The following RARB variants were observed in gnomAD, a reference collection of about 807,000 sequenced individuals.
The protein encoded by RARB is retinoic acid receptor beta.
In RARB, 17 loss-of-function variants were observed where a neutral mutation model predicts 51.9. That is an observed-to-expected ratio of 0.33 (90% CI 0.22 to 0.49). RARB has a LOEUF of 0.49. Among genes scored for constraint, RARB ranks in the 20% least tolerant of loss-of-function variants. The pLI is 0.99. For missense variants in RARB, 369 were observed against 550.8 expected (o/e 0.67, Z 3.30); for synonymous variants, 215 against 195.4 (o/e 1.10, Z -0.84).
chr3:25,170,573 A>C (rs745378493), intron 4 of RARB, among the ~76,000 whole-genome samples: 74 of 152,196 alleles, frequency 4.9e-4, no homozygotes, highest in Non-Finnish European at 6.8e-4. Flanking sequence ...TCGTGTTGTA[A>C]GTATTATGTT....
intron 4 of RARB, among the ~76,000 whole-genome samples, chr3:25,151,782 A>G (rs1207829125): frequency 1.3e-5 from 2 of 152,200 alleles, no homozygotes; most frequent in Non-Finnish European, 2.9e-5. Flanking sequence ...AATGTTTGTT[A>G]TTAGATTGCT....
intron 2 of RARB, among the ~76,000 whole-genome samples, chr3:24,920,894 G>T (rs1157762588): frequency 2.0e-5 from 3 of 152,184 alleles, no homozygotes; most frequent in African/African-American, 7.2e-5. Context: ...TAATTGATAT[G>T]ATTTGAGTGT....
intron 2 of RARB, among the ~76,000 whole-genome samples, chr3:25,490,915 G>A (rs987962662): frequency 6.6e-6 from 1 of 152,116 alleles, no homozygotes; most frequent in South Asian, 2.1e-4. Flanking sequence ...GGAGAAGAGC[G>A]AAATCTTGCA....
In RARB at chr3:25,086,936, C is replaced by A. The variant is rs957335040; in HGVS notation, c.-328+26760C>A. Among the ~76,000 whole-genome samples, 65 of 152,102 alleles carry A rather than the reference C, an allele frequency of 4.3e-4. 5 individuals are homozygous for A. The highest frequency in any genetic ancestry group is 2.9e-5 in the Non-Finnish European group (2 of 68,022). ...ACTTAGAAAGGTGCCAGACTCCTTA[C>A]TTAATTCTCTCCTGGATAAGGAAAA... On this transcript the variant is annotated intron_variant, in intron 3 of 11. Transcript: ENST00000383772.
chr3:25,178,443 ATT>A (rs2125355788), intron 5 of RARB, among the ~76,000 whole-genome samples: 1 of 152,160 alleles, frequency 6.6e-6, no homozygotes. Context: ...CAGAAGTTCC[ATT>A]TTACAGATAA....
Position 25,036,434 on chromosome 3 carries a change from A to G in RARB, c.-379-23691A>G, listed in dbSNP as rs532732088. ...TACTCTGAATTTACCTCTATTAATT[A>G]CATGCCGGAAAAGAAACAACTAGAC... is the stretch of plus-strand genomic sequence containing the variant. On this transcript the variant is annotated intron_variant, in intron 2 of 11. Coordinates refer to the RARB transcript ENST00000383772. Among the ~76,000 whole-genome samples, 25 of 152,338 alleles carry G rather than the reference A, an allele frequency of 1.6e-4. No individual in the cohort carries two copies. The South Asian group carries it at 5.2e-3, about 32-fold the overall frequency.
intron 7 of RARB, 107 bp from the exon 8 acceptor site, chr3:25,596,313 G>C (rs750418311): frequency 1.9e-4 from 172 of 899,060 alleles, no homozygotes; most frequent in Non-Finnish European, 2.8e-4. Context: ...TCCTAAGCAA[G>C]AATCTTAGGA....
chr3:25,446,844 T>C (rs1188341349), intron 1 of RARB, among the ~76,000 whole-genome samples: 1 of 131,584 alleles, frequency 7.6e-6, no homozygotes, highest in East Asian at 2.1e-4. Context: ...AAAAAATGAA[T>C]AGGACTGTTA....
At chr3:25,403,187 A>C (rs1185090000) in intron 5 of RARB, among the ~76,000 whole-genome samples, 1 of 151,448 alleles carries the variant, frequency 6.6e-6, no homozygotes, top group Non-Finnish European at 1.5e-5. Context: ...AATGAGTGAG[A>C]CCTAGTATTT....
intron 2 of RARB, among the ~76,000 whole-genome samples, chr3:25,474,652 C>G (rs1417318895): frequency 2.0e-5 from 3 of 152,096 alleles, no homozygotes; most frequent in Non-Finnish European, 4.4e-5. Flanking sequence ...GCTTGAATAT[C>G]TTTTAGTATG....
At position 24,973,101 on chromosome 3, in the gene RARB, T is replaced by C. The variant is rs114493788; in HGVS notation, c.-379-87024T>C. On this transcript the variant is annotated intron_variant, in intron 2 of 11. Coordinates refer to the RARB transcript ENST00000383772. Reference sequence around the variant, plus strand: ...CCAAAAGTTTCTTCTAGGAGTTTCATAGTTTGAGGTCTTAGATTTAAGTGT... The same window carrying C: ...CCAAAAGTTTCTTCTAGGAGTTTCACAGTTTGAGGTCTTAGATTTAAGTGT... Among the ~76,000 whole-genome samples, 518 of 152,214 alleles carry C rather than the reference T, an allele frequency of 3.4e-3. 4 individuals carry two copies. Among genetic ancestry groups the C allele is most frequent in the African/African-American group, 0.011 (476 of 41,560 alleles).
chr3:24,912,567 C>T (rs1225346998), intron 2 of RARB, among the ~76,000 whole-genome samples: 1 of 152,038 alleles, frequency 6.6e-6, no homozygotes, highest in African/African-American at 2.4e-5. Context: ...TTCAGCTTAA[C>T]ATAGCCAATC....
At chr3:25,259,202 C>A (rs1350452448) in intron 5 of RARB, 1 of 563,316 alleles carries the variant, frequency 1.8e-6, no homozygotes, top group Non-Finnish European at 2.2e-6. Flanking sequence ...AGAGACATCT[C>A]GTTTCCACCA....
chr3:24,976,209 G>A (rs1258523314), intron 2 of RARB, among the ~76,000 whole-genome samples: 1 of 152,158 alleles, frequency 6.6e-6, no homozygotes, highest in Non-Finnish European at 1.5e-5. Flanking sequence ...TTGCTATTGT[G>A]AATAGTGCTG....
At chr3:25,335,653 A>C (rs1321067047) in intron 5 of RARB, among the ~76,000 whole-genome samples, 1 of 152,220 alleles carries the variant, frequency 6.6e-6, no homozygotes, top group East Asian at 1.9e-4. Flanking sequence ...CTGTGAGTTC[A>C]CTTCCTGAGA....
At chr3:25,553,233 A>G (rs905713597) in intron 3 of RARB, among the ~76,000 whole-genome samples, 1 of 151,504 alleles carries the variant, frequency 6.6e-6, no homozygotes, top group Non-Finnish European at 1.5e-5. Flanking sequence ...CTGGCTACCT[A>G]GTCTCTCGTT....
rs1443906433 is a variant in RARB, at chr3:25,491,959, T to A, written c.307-9223T>A. Among the ~76,000 whole-genome samples, 13 of 149,502 alleles carry A rather than the reference T, an allele frequency of 8.7e-5. No homozygotes were observed. In the East Asian group the frequency reaches 2.4e-3, roughly 27 times the overall value. ...CTGTCTCAAAAAAAAAAAAAAATTATAAAATTATTTTGAATTTTAAGACAG... is the reference window on the plus strand; with the variant it reads ...CTGTCTCAAAAAAAAAAAAAAATTAAAAAATTATTTTGAATTTTAAGACAG... On this transcript the variant is annotated intron_variant, in intron 2 of 7. Coordinates refer to ENST00000330688, the MANE Select transcript of RARB (RefSeq NM_000965.5).
At chr3:25,104,315 T>C (rs1194290247) in intron 3 of RARB, among the ~76,000 whole-genome samples, 1 of 152,108 alleles carries the variant, frequency 6.6e-6, no homozygotes, top group Non-Finnish European at 1.5e-5. Context: ...AATCTCTCAC[T>C]ATCTACTGAA....
intron 2 of RARB, among the ~76,000 whole-genome samples, chr3:24,928,551 T>C (rs150228876): frequency 3.3e-5 from 5 of 152,102 alleles, no homozygotes; most frequent in Non-Finnish European, 7.4e-5. Context: ...GTAATCTTAA[T>C]TATTTTTAAT....
Sources: allele counts gnomAD v4.1 joint callset (sites outside exome capture counted in the v4.1 genomes callset), GRCh38; gene constraint gnomAD v4.1.1; transcripts MANE v1.5; gene names NCBI Gene and HGNC (gene_info 2026-07-23, HGNC 2026-07-21).